Variants in AUTS2 observed in about 807,000 individuals in gnomAD.
AUTS2 encodes the protein activator of transcription and developmental regulator AUTS2.
In AUTS2, 17 loss-of-function variants were observed where a neutral mutation model predicts 112.4. That is an observed-to-expected ratio of 0.15 (90% confidence interval 0.10 to 0.23). The LOEUF is 0.23. Among genes scored for constraint, AUTS2 ranks in the 10% least tolerant of loss-of-function variants. The pLI is 1.00. For missense variants in AUTS2, 1,510 were observed against 1,701.6 expected (o/e 0.89, Z 1.98); for synonymous variants, 751 against 702.7 (o/e 1.07, Z -1.09).
chr7:70,367,192 G>A (rs1157654591), intron 4 of AUTS2, among the ~76,000 whole-genome samples: 2 of 152,096 alleles, frequency 1.3e-5, no homozygotes, highest in Admixed American at 6.6e-5. Context: ...TGCACCAGGT[G>A]GCGCAGGTTG....
At chr7:70,250,409 G>GACC (rs1320594513) in intron 4 of AUTS2, among the ~76,000 whole-genome samples, 1 of 152,164 alleles carries the variant, frequency 6.6e-6, no homozygotes, top group Non-Finnish European at 1.5e-5. Flanking sequence ...GTCAGGTACA[G>GACC]ACCCAGAATC....
intron 2 of AUTS2, among the ~76,000 whole-genome samples, chr7:70,114,340 C>A (rs1805245258): frequency 6.6e-6 from 1 of 152,190 alleles, no homozygotes; most frequent in African/African-American, 2.4e-5. Context: ...GCAAGCAGAT[C>A]AATTTTTCTT....
chr7:70,720,003 CT>C (rs1266217152), intron 6 of AUTS2, among the ~76,000 whole-genome samples: 1 of 152,184 alleles, frequency 6.6e-6, no homozygotes, highest in Non-Finnish European at 1.5e-5. Flanking sequence ...ACAAGCATCT[CT>C]TTTGAGAACT....
At chr7:70,354,666 C>T (rs1305835736) in intron 4 of AUTS2, among the ~76,000 whole-genome samples, 1 of 152,170 alleles carries the variant, frequency 6.6e-6, no homozygotes, top group Non-Finnish European at 1.5e-5. Flanking sequence ...CTGTGACTCA[C>T]ACGTGGCTAC....
intron 4 of AUTS2, among the ~76,000 whole-genome samples, chr7:70,147,111 G>A (rs1052119602): frequency 1.3e-5 from 2 of 151,848 alleles, no homozygotes; most frequent in African/African-American, 4.8e-5. Flanking sequence ...AGTCCCAGCT[G>A]CTTGGGAGGC....
intron 4 of AUTS2, among the ~76,000 whole-genome samples, chr7:70,418,000 T>C (rs973761311): frequency 6.6e-6 from 1 of 151,982 alleles, no homozygotes; most frequent in Admixed American, 6.6e-5. Flanking sequence ...CTCCCTGGGA[T>C]TGGGGTGCAC....
intron 1 of AUTS2, among the ~76,000 whole-genome samples, chr7:69,783,617 G>A (rs528219639): frequency 1.3e-5 from 2 of 152,198 alleles, no homozygotes; most frequent in African/African-American, 4.8e-5. Context: ...AGGACTTCCT[G>A]TGAAATAAAA....
intron 2 of AUTS2, among the ~76,000 whole-genome samples, chr7:69,998,852 A>G (rs1799063851): frequency 6.6e-6 from 1 of 152,214 alleles, no homozygotes; most frequent in Non-Finnish European, 1.5e-5. Context: ...TGGTTAGGGT[A>G]GACCTCACTG....
At position 70,350,972 on chromosome 7, in the gene AUTS2, C is replaced by CT. The variant is rs1013152252; in HGVS notation, c.661-84771dup. Reference sequence around the variant, plus strand: ...CATATATGAGTGAGATCATGCAGTACTTTTTTTTTCTGTGTCTGGCTTATT... The same window carrying CT: ...CATATATGAGTGAGATCATGCAGTACTTTTTTTTTTCTGTGTCTGGCTTATT... On this transcript the variant is annotated intron_variant, in intron 4 of 18. Transcript: ENST00000342771. 1.3e-5 allele frequency among the ~76,000 whole-genome samples: 2 copies of CT among 150,010 alleles called. 1 individual carries two copies. Among genetic ancestry groups the CT allele is most frequent in the South Asian group, 4.2e-4 (2 of 4,754 alleles).
intron 1 of AUTS2, among the ~76,000 whole-genome samples, chr7:69,671,281 G>C (rs1796309926): frequency 6.6e-6 from 1 of 152,182 alleles, no homozygotes. Context: ...CACTCATTTA[G>C]TTGCATAACC....
chr7:69,908,086 T>C (rs575302798), intron 2 of AUTS2, among the ~76,000 whole-genome samples: 2 of 152,366 alleles, frequency 1.3e-5, no homozygotes, highest in Non-Finnish European at 2.9e-5. Context: ...AGATACAATA[T>C]AACTGCATTT....
chr7:70,128,292 G>C (rs1238693934), intron 3 of AUTS2, among the ~76,000 whole-genome samples: 1 of 152,176 alleles, frequency 6.6e-6, no homozygotes, highest in East Asian at 1.9e-4. Context: ...GGCATTTGAG[G>C]TTGAGTGGAG....
At chr7:69,805,170 C>T (rs1381537361) in intron 1 of AUTS2, among the ~76,000 whole-genome samples, 1 of 152,174 alleles carries the variant, frequency 6.6e-6, no homozygotes, top group African/African-American at 2.4e-5. Flanking sequence ...ACTTAAGTAG[C>T]AGCCTTGATA....
At chr7:69,823,345 C>T (rs534121943) in intron 1 of AUTS2, among the ~76,000 whole-genome samples, 17 of 152,288 alleles carry the variant, frequency 1.1e-4, no homozygotes, top group South Asian at 1.0e-3. Context: ...TTGCATGCCT[C>T]GTTAAATCTG....
At chr7:70,692,851 G>A (rs1808827925) in intron 5 of AUTS2, among the ~76,000 whole-genome samples, 1 of 151,860 alleles carries the variant, frequency 6.6e-6, no homozygotes, top group Non-Finnish European at 1.5e-5. Flanking sequence ...GAGGCAAGGA[G>A]TGGCCATCAT....
intron 4 of AUTS2, among the ~76,000 whole-genome samples, chr7:70,301,929 T>C (rs1430269875): frequency 7.4e-6 from 1 of 135,712 alleles, no homozygotes; most frequent in African/African-American, 2.9e-5. Flanking sequence ...TGTGTTTTGT[T>C]TTTTGTGGTT....
At chr7:69,773,625 G>A (rs1376817743) in intron 1 of AUTS2, among the ~76,000 whole-genome samples, 1 of 152,174 alleles carries the variant, frequency 6.6e-6, no homozygotes, top group East Asian at 1.9e-4. Context: ...CAGTGCAGCT[G>A]GGCTGTGCAG....
chr7:69,831,624 A>AT (rs397839939), intron 1 of AUTS2, among the ~76,000 whole-genome samples: 291 of 141,372 alleles, frequency 2.1e-3, no homozygotes, highest in South Asian at 4.2e-3. Flanking sequence ...ACCTTTTAAG[A>AT]TTTTTTTTTT....
intron 4 of AUTS2, among the ~76,000 whole-genome samples, chr7:70,214,894 A>G (rs978274670): frequency 1.3e-5 from 2 of 152,226 alleles, no homozygotes; most frequent in African/African-American, 2.4e-5. Flanking sequence ...TTTTTGAATC[A>G]TAGTCTGAAT....
Sources: allele counts gnomAD v4.1 joint callset (sites outside exome capture counted in the v4.1 genomes callset), GRCh38; gene constraint gnomAD v4.1.1; transcripts MANE v1.5; gene names NCBI Gene and HGNC (gene_info 2026-07-23, HGNC 2026-07-21).